Variants in NELL1 observed in about 807,000 individuals in gnomAD.
NELL1 encodes neural EGFL like 1.
In NELL1, 76 loss-of-function variants were observed where a neutral mutation model predicts 107.4. The ratio of observed to expected loss-of-function variants is 0.71; its 90% CI spans 0.59 to 0.86. NELL1 has a LOEUF of 0.86. NELL1 is among the 40% of genes least tolerant of loss of function. The pLI is 0.00. For missense variants in NELL1, 1,024 were observed against 1,005.5 expected (o/e 1.02, Z -0.25); for synonymous variants, 353 against 341.2 (o/e 1.03, Z -0.38).
chr11:21,526,635 G>A (rs890137023), intron 15 of NELL1, among the ~76,000 whole-genome samples: 4 of 152,178 alleles, frequency 2.6e-5, no homozygotes, highest in South Asian at 2.1e-4. Flanking sequence ...AAATCTAGGC[G>A]ATGGTTCCCA....
At chr11:21,031,450 G>A (rs1477094464) in intron 12 of NELL1, among the ~76,000 whole-genome samples, 1 of 152,202 alleles carries the variant, frequency 6.6e-6, no homozygotes. Context: ...AATTGTATCA[G>A]AGTTTAGGAG....
At chr11:20,897,095 G>A (rs541966286) in intron 5 of NELL1, among the ~76,000 whole-genome samples, 6 of 152,178 alleles carry the variant, frequency 3.9e-5, no homozygotes, top group South Asian at 2.1e-4. Flanking sequence ...AAAAGAGCCC[G>A]CATTGCCAAG....
At chr11:21,136,564 A>G (rs1289394193) in intron 13 of NELL1, among the ~76,000 whole-genome samples, 2 of 152,292 alleles carry the variant, frequency 1.3e-5, no homozygotes, top group African/African-American at 4.8e-5. Flanking sequence ...GGCACAGGAA[A>G]TGACTCTGTC....
chr11:20,999,955 G>A (rs1565008044), intron 12 of NELL1, among the ~76,000 whole-genome samples: 1 of 152,038 alleles, frequency 6.6e-6, no homozygotes, highest in Non-Finnish European at 1.5e-5. Flanking sequence ...TATTTGATTA[G>A]TTGAAAGGTC....
chr11:21,269,043 A>G (rs985997342), intron 14 of NELL1, among the ~76,000 whole-genome samples: 2 of 152,140 alleles, frequency 1.3e-5, no homozygotes, highest in Non-Finnish European at 2.9e-5. Flanking sequence ...AGTAAACTTT[A>G]CATGGCTGAG....
chr11:21,560,286 C>G lies in NELL1; in HGVS notation c.1884C>G (p.Pro628=), dbSNP rs1172952469. The change falls in exon 17 of 20, where the codon CCC becomes CCG. Residue 628 remains proline, a synonymous_variant. Coordinates refer to ENST00000357134, the MANE Select transcript of NELL1 (RefSeq NM_006157.5). ...GGFDCLCPSG[P]SCSGDCPHEG... Reference sequence around the variant, plus strand: ...TTGACTGTCTCTGCCCCTCTGGGCCCTCCTGCTCTGGTGACTGTCCTCATG... The same window carrying G: ...TTGACTGTCTCTGCCCCTCTGGGCCGTCCTGCTCTGGTGACTGTCCTCATG... 1.2e-6 allele frequency: 2 copies of G among 1,613,538 alleles called. No individual in the cohort carries two copies. The highest frequency in any genetic ancestry group is 1.7e-6 in the Non-Finnish European group (2 of 1,179,688).
At chr11:20,907,758 A>G (rs1668540298) in intron 5 of NELL1, among the ~76,000 whole-genome samples, 1 of 152,204 alleles carries the variant, frequency 6.6e-6, no homozygotes, top group African/African-American at 2.4e-5. Context: ...AGAAACTATC[A>G]TCAGAGTGAA....
intron 13 of NELL1, among the ~76,000 whole-genome samples, chr11:21,132,526 T>C (rs542872465): frequency 6.6e-6 from 1 of 152,116 alleles, no homozygotes; most frequent in Non-Finnish European, 1.5e-5. Flanking sequence ...GCTGGCTGCT[T>C]TGGTGGGGCA....
intron 15 of NELL1, among the ~76,000 whole-genome samples, chr11:21,381,692 C>G (rs985360608): frequency 6.6e-6 from 1 of 151,910 alleles, no homozygotes; most frequent in African/African-American, 2.4e-5. Context: ...TCAGTTCTTA[C>G]AACCTCTCAC....
chr11:21,390,540 T>TACACACACACAC lies in NELL1; in HGVS notation c.1645+19592_1645+19593insACACACACACAC, dbSNP rs1420510915. 6.2e-3 allele frequency among the ~76,000 whole-genome samples: 900 copies of TACACACACACAC among 145,262 alleles called. 7 individuals are homozygous for TACACACACACAC. The highest frequency in any genetic ancestry group is 0.014 in the Middle Eastern group (4 of 276). On this transcript the variant is annotated intron_variant, in intron 15 of 19. Transcript: ENST00000357134. ...ACACACACACACACACACACACACGTGCGCACGCACCCAAACACTTCCCAT... is the reference window on the plus strand; with the variant it reads ...ACACACACACACACACACACACACGTACACACACACACGCGCACGCACCCAAACACTTCCCAT...
In NELL1 at chr11:20,669,608, C is replaced by T. The variant is rs543818523; in HGVS notation, c.-116C>T. The stretch of plus-strand genomic sequence containing the variant: ...AGCACCCGGCGCTGCCGAGCCACCT[C>T]CCCCGCCGCCCGCTAGCAAGTTTGG... On this transcript the variant is annotated 5_prime_UTR_variant, in exon 1 of 20. Transcript: ENST00000357134. This position sits in a 1 kb window ranked among gnomAD's most constrained non-coding sequence, Gnocchi z 4.4. 144 of 848,628 alleles carry T rather than the reference C, an allele frequency of 1.7e-4. No homozygotes were observed. In the African/African-American group the frequency reaches 2.3e-3, roughly 13 times the overall value. The allele number at this position is 848,628 out of a possible 1,614,324, so 52.6% of individuals were successfully genotyped here. A position where few individuals can be genotyped will look rare whatever the true frequency, so the allele number is the denominator to read the frequency against.
intron 15 of NELL1, among the ~76,000 whole-genome samples, chr11:21,411,282 A>G (rs1247542605): frequency 1.3e-5 from 2 of 152,024 alleles, no homozygotes; most frequent in Admixed American, 1.3e-4. Context: ...GAGAGAAAAC[A>G]CCACTTTGTG....
chr11:21,112,225 C>T (rs1855124047), intron 12 of NELL1, among the ~76,000 whole-genome samples: 1 of 151,980 alleles, frequency 6.6e-6, no homozygotes, highest in Admixed American at 6.6e-5. Context: ...ATCTCAATGA[C>T]CTCGCAATAA....
intron 14 of NELL1, among the ~76,000 whole-genome samples, chr11:21,313,994 C>T (rs796847313): frequency 3.2e-3 from 3 of 928 alleles, no homozygotes; most frequent in Admixed American, 0.011. Flanking sequence ...TACACTCTGC[C>T]CCCCCCCCCC....
At chr11:20,778,870 G>T (rs1011991106) in intron 2 of NELL1, among the ~76,000 whole-genome samples, 4 of 152,124 alleles carry the variant, frequency 2.6e-5, no homozygotes, top group South Asian at 2.1e-4. Context: ...GATGGAGTAG[G>T]TTAACACATG....
intron 14 of NELL1, among the ~76,000 whole-genome samples, chr11:21,229,817 G>T (rs753633911): frequency 6.6e-6 from 1 of 152,192 alleles, no homozygotes; most frequent in Non-Finnish European, 1.5e-5. Flanking sequence ...CACACTTGAG[G>T]TATCTGCTTG....
intron 13 of NELL1, among the ~76,000 whole-genome samples, chr11:21,184,801 A>T (rs1327400622): frequency 6.6e-6 from 1 of 151,838 alleles, no homozygotes; most frequent in African/African-American, 2.4e-5. Flanking sequence ...TTTTTGCCTT[A>T]AGTTCTAATT....
intron 5 of NELL1, among the ~76,000 whole-genome samples, chr11:20,908,650 C>T (rs1850058771): frequency 6.6e-6 from 1 of 151,974 alleles, no homozygotes; most frequent in South Asian, 2.1e-4. Flanking sequence ...CCTGCACATT[C>T]TGCACATGTA....
chr11:21,462,572 AG>A (rs1230026097), intron 15 of NELL1, among the ~76,000 whole-genome samples: 1 of 151,990 alleles, frequency 6.6e-6, no homozygotes, highest in East Asian at 1.9e-4. Context: ...TTATCTAGAG[AG>A]GATATTTGGA....
Sources: gnomAD v4.1 joint callset for allele counts (sites outside exome capture counted in the v4.1 genomes callset) on GRCh38, gnomAD v4.1.1 for gene constraint, Gnocchi (gnomAD v3.1) non-coding constraint, MANE v1.5 for transcripts, NCBI Gene and HGNC (gene_info 2026-07-23, HGNC 2026-07-21) for gene names.